The following PTPRG variants were observed in gnomAD, a reference collection of about 807,000 sequenced individuals.
The protein encoded by PTPRG is receptor-type tyrosine-protein phosphatase gamma.
PTPRG carries 102 observed loss-of-function variants against 165.3 expected under a neutral mutation model. The observed-to-expected ratio is 0.62, with a 90% CI of 0.53 to 0.73. The LOEUF (loss-of-function observed/expected upper bound fraction) is 0.73, where lower values mean the gene tolerates loss of function less well. Ranked by LOEUF, PTPRG falls within the 30% of genes least tolerant of loss-of-function variation. PTPRG has a pLI of 0.00. For synonymous variants in PTPRG, 675 were observed against 669.5 expected (o/e 1.01, Z -0.13); for missense variants, 1,866 against 1,861.4 (o/e 1.00, Z -0.05).
intron 1 of PTPRG, among the ~76,000 whole-genome samples, chr3:61,747,167 T>C (rs1033072749): frequency 6.6e-6 from 1 of 152,186 alleles, no homozygotes; most frequent in African/African-American, 2.4e-5. Context: ...AGTGCTGAGT[T>C]AGGTGCTCTG....
chr3:62,145,782 A>G (rs1365604520), intron 6 of PTPRG, among the ~76,000 whole-genome samples: 1 of 152,194 alleles, frequency 6.6e-6, no homozygotes, highest in African/African-American at 2.4e-5. Context: ...ATCCCATTTT[A>G]TAAATAGGTA....
intron 8 of PTPRG, among the ~76,000 whole-genome samples, chr3:62,181,350 C>T (rs77585043): frequency 0.012 from 1,785 of 152,312 alleles, 19 homozygotes; most frequent in Middle Eastern, 0.027. Context: ...CCTCCTCATT[C>T]CCTGCTCACA....
At chr3:61,809,669 G>C (rs1345115010) in intron 2 of PTPRG, among the ~76,000 whole-genome samples, 1 of 152,138 alleles carries the variant, frequency 6.6e-6, no homozygotes, top group African/African-American at 2.4e-5. Context: ...CACGTTGTAA[G>C]CTTGAAAAGA....
chr3:61,958,200 C>G (rs533570126), intron 2 of PTPRG, among the ~76,000 whole-genome samples: 1 of 152,170 alleles, frequency 6.6e-6, no homozygotes, highest in Non-Finnish European at 1.5e-5. Context: ...CATCTTAGCT[C>G]ACTGCAACCT....
chr3:61,873,338 G>A (rs1313948627), intron 2 of PTPRG, among the ~76,000 whole-genome samples: 1 of 152,194 alleles, frequency 6.6e-6, no homozygotes, highest in African/African-American at 2.4e-5. Flanking sequence ...CAGCAGATCA[G>A]TGTGGATACA....
chr3:62,071,216 CG>C (rs1553712961), intron 4 of PTPRG, among the ~76,000 whole-genome samples: 1 of 152,144 alleles, frequency 6.6e-6, no homozygotes, highest in Non-Finnish European at 1.5e-5. Flanking sequence ...TTACTTACTC[CG>C]TCATGATTTT....
At chr3:61,794,359 T>G (rs1484347740) in intron 2 of PTPRG, among the ~76,000 whole-genome samples, 2 of 152,196 alleles carry the variant, frequency 1.3e-5, no homozygotes, top group African/African-American at 4.8e-5. Flanking sequence ...TTGTTTATGG[T>G]TTTGGTTTTC....
intron 2 of PTPRG, among the ~76,000 whole-genome samples, chr3:61,859,394 C>T (rs564970161): frequency 3.9e-5 from 6 of 152,144 alleles, no homozygotes; most frequent in South Asian, 2.1e-4. Flanking sequence ...GATTCAAACC[C>T]GGGTCTAATT....
At chr3:62,275,625 G>A (rs1335883912) in intron 23 of PTPRG, among the ~76,000 whole-genome samples, 12 of 152,162 alleles carry the variant, frequency 7.9e-5, no homozygotes, top group Admixed American at 7.9e-4. Context: ...TTAGCTGGTT[G>A]TGCTGATGCA....
intron 17 of PTPRG, among the ~76,000 whole-genome samples, chr3:62,266,142 A>AATTAG (rs1701867043): frequency 6.6e-6 from 1 of 152,156 alleles, no homozygotes; most frequent in Admixed American, 6.6e-5. Context: ...CACAATTTCA[A>AATTAG]ATTAGATGTA....
chr3:62,097,314 C>T (rs1171093198), intron 5 of PTPRG, among the ~76,000 whole-genome samples: 1 of 152,188 alleles, frequency 6.6e-6, no homozygotes, highest in South Asian at 2.1e-4. Context: ...TCAGGATGTT[C>T]TGCCAAAGGC....
chr3:61,740,483 GAC>G (rs2032932764), intron 1 of PTPRG, among the ~76,000 whole-genome samples: 1 of 152,086 alleles, frequency 6.6e-6, no homozygotes, highest in African/African-American at 2.4e-5. Context: ...TTTTAAAACT[GAC>G]AGAGTTAATG....
intron 6 of PTPRG, among the ~76,000 whole-genome samples, chr3:62,143,535 T>G (rs937030010): frequency 6.6e-6 from 1 of 151,798 alleles, no homozygotes; most frequent in Non-Finnish European, 1.5e-5. Context: ...CTTGGAAAAA[T>G]TTTAGTCTCA....
At chr3:61,913,418 G>A (rs537384339) in intron 2 of PTPRG, among the ~76,000 whole-genome samples, 2 of 152,012 alleles carry the variant, frequency 1.3e-5, no homozygotes, top group Non-Finnish European at 2.9e-5. Context: ...ACGGGATTTC[G>A]CTGTGCTAGC....
rs1014565819 is a variant in PTPRG at position 61,924,973 on chromosome 3, C to G, written c.191-64652C>G. Reference sequence around the variant, plus strand: ...TAAAGAGTCAGAAGAGAGATGATATCTGCAAGCCAGGAAGGTTATATTGAA... The same window carrying G: ...TAAAGAGTCAGAAGAGAGATGATATGTGCAAGCCAGGAAGGTTATATTGAA... On this transcript the variant is annotated intron_variant, in intron 2 of 29. Transcript: ENST00000474889. 2.0e-5 allele frequency among the ~76,000 whole-genome samples: 3 copies of G among 152,206 alleles called. No homozygotes were observed. The South Asian group carries it at 6.2e-4, about 31-fold the overall frequency.
chr3:61,752,270 A>G (rs2033463456), intron 2 of PTPRG, among the ~76,000 whole-genome samples: 1 of 152,180 alleles, frequency 6.6e-6, no homozygotes, highest in South Asian at 2.1e-4. Flanking sequence ...TTGGCAAACT[A>G]CAAACTGCAG....
chr3:62,183,946 A>G (rs1705765787), intron 8 of PTPRG, among the ~76,000 whole-genome samples: 1 of 152,204 alleles, frequency 6.6e-6, no homozygotes. Context: ...GAAAACAGTT[A>G]CGGGACGTGT....
chr3:61,715,409 A>G (rs1038970333), intron 1 of PTPRG, among the ~76,000 whole-genome samples: 12 of 151,886 alleles, frequency 7.9e-5, no homozygotes, highest in African/African-American at 2.7e-4. Context: ...TGTAGAGACC[A>G]GGTTTCGCCA....
chr3:61,986,327 G>A (rs2040762300), intron 2 of PTPRG, among the ~76,000 whole-genome samples: 3 of 152,168 alleles, frequency 2.0e-5, no homozygotes, highest in Non-Finnish European at 4.4e-5. Context: ...TTTACCACCA[G>A]TGGGGAAGAC....
Sources: allele counts gnomAD v4.1 joint callset (sites outside exome capture counted in the v4.1 genomes callset), GRCh38; gene constraint gnomAD v4.1.1; transcripts MANE v1.5; gene names NCBI Gene and HGNC (gene_info 2026-07-23, HGNC 2026-07-21).